STMN2: variants seen among roughly 807,000 people sequenced by gnomAD.
The protein encoded by STMN2 is stathmin 2.
STMN2 carries 2 observed loss-of-function variants against 24.1 expected under a neutral mutation model. That is an observed-to-expected ratio of 0.08 (90% CI 0.03 to 0.26). The LOEUF (loss-of-function observed/expected upper bound fraction) is 0.26, where lower values mean the gene tolerates loss of function less well. Among genes scored for constraint, STMN2 ranks in the 10% least tolerant of loss-of-function variants. STMN2 has a pLI of 1.00. For synonymous variants in STMN2, 83 were observed against 77.5 expected (o/e 1.07, Z -0.37); for missense variants, 114 against 213.6 (o/e 0.53, Z 2.91).
chr8:79,655,138 C>A, intron 4 of STMN2, 76 bp downstream of exon 4: 1 of 1,529,112 alleles, frequency 6.5e-7, no homozygotes, highest in Non-Finnish European at 8.9e-7. Flanking sequence ...TATGCCTGAG[C>A]ACAGAGACGA....
At chr8:79,633,410 ACCTC>A (rs1434542811) in intron 1 of STMN2, among the ~76,000 whole-genome samples, 12 of 152,222 alleles carry the variant, frequency 7.9e-5, no homozygotes, top group Non-Finnish European at 1.5e-4. Flanking sequence ...TCCCCAGACC[ACCTC>A]GAACAAGAAA....
At chr8:79,632,083 C>T (rs1340708547) in intron 1 of STMN2, among the ~76,000 whole-genome samples, 2 of 152,160 alleles carry the variant, frequency 1.3e-5, no homozygotes, top group Non-Finnish European at 2.9e-5. Context: ...AACTGCTGTC[C>T]TTTTAAATCC....
intron 3 of STMN2, among the ~76,000 whole-genome samples, chr8:79,651,135 A>G (rs1469816110): frequency 6.6e-6 from 1 of 152,206 alleles, no homozygotes; most frequent in Non-Finnish European, 1.5e-5. Flanking sequence ...TAGTGGATAT[A>G]ACATTCCCTT....
chr8:79,613,557 C>CACCCCTCAGAAAGGTTTCT (rs1809304147), intron 1 of STMN2: 2 of 985,372 alleles, frequency 2.0e-6, no homozygotes, highest in South Asian at 9.4e-5. Flanking sequence ...GAAAGGTTTC[C>CACCCCTCAGAAAGGTTTCT]GCTGCAGGCT....
rs71266026 is a variant in STMN2 at position 79,656,884 on chromosome 8, G to GTTTTTTTTTTTT, written c.480+1829_480+1830insTTTTTTTTTTTT. 1.1e-4 allele frequency among the ~76,000 whole-genome samples: 16 copies of GTTTTTTTTTTTT among 150,316 alleles called. 2 individuals carry two copies. The highest frequency in any genetic ancestry group is 1.0e-4 in the Non-Finnish European group (7 of 67,050). ...GCATAGCCTCCTTTTTTGTTTGTTTGTTTTTTTGAGATAGAGTCTCGCTGT... is the reference window on the plus strand; with the variant it reads ...GCATAGCCTCCTTTTTTGTTTGTTTGTTTTTTTTTTTTTTTTTTTGAGATAGAGTCTCGCTGT... On this transcript the variant is annotated intron_variant, in intron 4 of 4. Transcript: ENST00000220876.
chr8:79,640,324 A>T (rs1454267323), intron 2 of STMN2, among the ~76,000 whole-genome samples: 1 of 152,176 alleles, frequency 6.6e-6, no homozygotes, highest in Admixed American at 6.5e-5. Flanking sequence ...CGTGAGTTCA[A>T]CTTTATGAAT....
intron 4 of STMN2, among the ~76,000 whole-genome samples, chr8:79,657,159 C>A (rs916161847): frequency 6.6e-6 from 1 of 152,248 alleles, no homozygotes; most frequent in Admixed American, 6.5e-5. Flanking sequence ...CAGGTGTGAG[C>A]CACCGTGCCC....
chr8:79,611,573 CCT>C (rs1491261712), intron 1 of STMN2, among the ~76,000 whole-genome samples: 2 of 118,478 alleles, frequency 1.7e-5, no homozygotes, highest in Non-Finnish European at 3.7e-5. Context: ...TTTATAACGA[CCT>C]TTTTTTTTTT....
At chr8:79,626,035 T>C (rs1197977930) in intron 1 of STMN2, among the ~76,000 whole-genome samples, 1 of 152,204 alleles carries the variant, frequency 6.6e-6, no homozygotes, top group Non-Finnish European at 1.5e-5. Flanking sequence ...AAGCAATGTC[T>C]TGCACAGCAC....
intron 2 of STMN2, 121 bp from the exon 3 acceptor site, chr8:79,641,257 G>A (rs925897972): frequency 1.9e-6 from 2 of 1,036,086 alleles, no homozygotes; most frequent in South Asian, 1.7e-5. Context: ...CTCATAAACA[G>A]CATTTTATTC....
chr8:79,649,113 T>A (rs1810280453), intron 3 of STMN2, among the ~76,000 whole-genome samples: 1 of 152,206 alleles, frequency 6.6e-6, no homozygotes, highest in Admixed American at 6.5e-5. Context: ...ACTTACCTTT[T>A]CCATTTGTTG....
intron 4 of STMN2, among the ~76,000 whole-genome samples, chr8:79,661,706 T>C (rs888371432): frequency 6.6e-6 from 1 of 152,086 alleles, no homozygotes; most frequent in Non-Finnish European, 1.5e-5. Context: ...GAACCTGGTC[T>C]TTAGGAAGAT....
intron 3 of STMN2, among the ~76,000 whole-genome samples, chr8:79,643,348 C>T (rs1476579934): frequency 1.3e-5 from 2 of 151,578 alleles, no homozygotes; most frequent in Non-Finnish European, 2.9e-5. Context: ...ATTATCAAAA[C>T]TTTGCTGCCA....
intron 1 of STMN2, among the ~76,000 whole-genome samples, chr8:79,615,719 T>C (rs990620555): frequency 6.6e-6 from 1 of 152,218 alleles, no homozygotes; most frequent in Non-Finnish European, 1.5e-5. Context: ...CAAGTGTTTA[T>C]TCAATAAGCT....
At chr8:79,620,746 G>A (rs1440061887) in intron 1 of STMN2, among the ~76,000 whole-genome samples, 1 of 152,166 alleles carries the variant, frequency 6.6e-6, no homozygotes, top group Middle Eastern at 3.4e-3. Flanking sequence ...AATATTTAAT[G>A]AGTCCATCAA....
intron 3 of STMN2, among the ~76,000 whole-genome samples, chr8:79,650,126 A>G (rs1227844340): frequency 6.6e-6 from 1 of 152,184 alleles, no homozygotes; most frequent in Non-Finnish European, 1.5e-5. Flanking sequence ...CATTTGCATT[A>G]TATCAGCTGA....
At chr8:79,654,181 A>T (rs1810397433) in intron 3 of STMN2, among the ~76,000 whole-genome samples, 1 of 152,172 alleles carries the variant, frequency 6.6e-6, no homozygotes, top group African/African-American at 2.4e-5. Context: ...GCTGGAAGAA[A>T]ATTACAGTGC....
chr8:79,616,174 TCTA>T (rs1809378084), intron 1 of STMN2, among the ~76,000 whole-genome samples: 1 of 152,180 alleles, frequency 6.6e-6, no homozygotes, highest in African/African-American at 2.4e-5. Context: ...TTTCCCATCT[TCTA>T]AGTCTGTCTT....
At chr8:79,638,658 A>G (rs1329942257) in intron 2 of STMN2, among the ~76,000 whole-genome samples, 1 of 152,160 alleles carries the variant, frequency 6.6e-6, no homozygotes. Context: ...AGCATCCTTT[A>G]TCATTTAATC....
Sources: gnomAD v4.1 joint callset for allele counts (sites outside exome capture counted in the v4.1 genomes callset) on GRCh38, gnomAD v4.1.1 for gene constraint, MANE v1.5 for transcripts, NCBI Gene and HGNC (gene_info 2026-07-23, HGNC 2026-07-21) for gene names.